Variants in NBN observed in about 807,000 individuals in gnomAD.
NBN encodes the protein Nijmegen breakage syndrome 1 (nibrin).
NBN carries 88 observed loss-of-function variants against 90.8 expected under a neutral mutation model. The observed-to-expected ratio is 0.97, with a 90% CI of 0.82 to 1.16. NBN has a LOEUF of 1.16. NBN is among the 50% of genes most tolerant of loss of function. NBN has a pLI of 0.00. For missense variants in NBN, 894 were observed against 869.6 expected (o/e 1.03, Z -0.35); for synonymous variants, 328 against 295.1 (o/e 1.11, Z -1.14).
intron 1 of NBN, 113 bp from the exon 2 acceptor site, chr8:89,982,968 A>G (rs1812149390): frequency 6.2e-6 from 7 of 1,129,524 alleles, no homozygotes; most frequent in Non-Finnish European, 7.7e-6. Flanking sequence ...TATTAAATAA[A>G]ACACCTTTGT....
At chr8:89,944,906 A>G (rs1810121278) in intron 13 of NBN, among the ~76,000 whole-genome samples, 1 of 152,182 alleles carries the variant, frequency 6.6e-6, no homozygotes, top group Admixed American at 6.5e-5. Context: ...AAGAACTCAG[A>G]CAAATTCCTG....
rs921235584 is a variant in NBN, at chr8:89,946,288, T to C, written c.1922A>G (p.Asp641Gly). ...CATCTCACTATCATCCTGAAGTTTGTCATTGTTCTTAAATGGGGTTAAGAT... is the reference window on the plus strand; with the variant it reads ...CATCTCACTATCATCCTGAAGTTTGCCATTGTTCTTAAATGGGGTTAAGAT... ...LWSAKEISNN[D>G]KLQDDSEMLP... Residue 641 changes from aspartate to glycine, a missense_variant, in exon 13 of 16, where the codon GAC becomes GGC. Transcript: ENST00000265433. The C allele has an allele frequency of 6.3e-7, 1 of 1,581,462 alleles. No individual in the cohort carries two copies. The highest frequency in any genetic ancestry group is 8.7e-7 in the Non-Finnish European group (1 of 1,150,828).
At chr8:89,981,801 T>G in intron 2 of NBN, 1 of 501,324 alleles carries the variant, frequency 2.0e-6, no homozygotes, top group Non-Finnish European at 3.4e-6. Flanking sequence ...CACACACATT[T>G]GAGAATTTTT....
In NBN at chr8:89,935,048, A is replaced by T. The variant is rs567490517; in HGVS notation, c.*534T>A. ...ACCAGAGTTTAGGTAAGACTACAGC[A>T]TAATGGAAAAGAAAAAATATTAAAA... On this transcript the variant is annotated 3_prime_UTR_variant, in exon 16 of 16. Coordinates refer to ENST00000265433, the MANE Select transcript of NBN (RefSeq NM_002485.5). 4.7e-5 allele frequency: 11 copies of T among 234,114 alleles called. No individual in the cohort carries two copies. In the South Asian group the frequency reaches 1.8e-3, roughly 38 times the overall value. The allele number at this position is 234,114 out of a possible 1,614,324, so 14.5% of individuals were successfully genotyped here.
At chr8:89,966,697 T>C (rs972861088) in intron 7 of NBN, among the ~76,000 whole-genome samples, 2 of 151,698 alleles carry the variant, frequency 1.3e-5, no homozygotes, top group African/African-American at 4.8e-5. Context: ...TAAATGTAAA[T>C]GAAAAAATAA....
In NBN at chr8:89,980,905, A is replaced by C; in HGVS notation, c.321-12T>G. The C allele has an allele frequency of 6.2e-7, 1 of 1,609,976 alleles. No homozygotes were observed. Among genetic ancestry groups the C allele is most frequent in the Non-Finnish European group, 8.5e-7 (1 of 1,177,712 alleles). ...GCTCATACTCTATTCTGTAAATGAGAATAAGTTAAATAAAGTCATAGTATC... is the reference window on the plus strand; with the variant it reads ...GCTCATACTCTATTCTGTAAATGAGCATAAGTTAAATAAAGTCATAGTATC... On this transcript the variant is annotated splice_polypyrimidine_tract_variant and intron_variant, in intron 3 of 15. Coordinates refer to ENST00000265433, the MANE Select transcript of NBN (RefSeq NM_002485.5).
chr8:89,966,164 G>T (rs1811244095), intron 7 of NBN, among the ~76,000 whole-genome samples: 1 of 152,108 alleles, frequency 6.6e-6, no homozygotes, highest in African/African-American at 2.4e-5. Flanking sequence ...AGATAAATGT[G>T]GCCATTTTCA....
intron 4 of NBN, among the ~76,000 whole-genome samples, chr8:89,980,189 G>A (rs967432110): frequency 1.3e-5 from 2 of 152,106 alleles, no homozygotes; most frequent in African/African-American, 4.8e-5. Context: ...TAACTCTTTA[G>A]CTATAAAACA....
At chr8:89,958,081 G>C (rs1810811583) in intron 9 of NBN, among the ~76,000 whole-genome samples, 1 of 152,120 alleles carries the variant, frequency 6.6e-6, no homozygotes, top group African/African-American at 2.4e-5. Flanking sequence ...TAAGAACCTA[G>C]ATCCCTCACA....
chr8:89,946,337 T>A (rs1284114151), intron 12 of NBN, 42 bp from the exon 13 acceptor site: 1 of 1,517,976 alleles, frequency 6.6e-7, no homozygotes, highest in African/African-American at 1.4e-5. Flanking sequence ...AGAGAAGAAA[T>A]AACAAAGAAA....
intron 8 of NBN, among the ~76,000 whole-genome samples, chr8:89,959,183 C>T (rs1023988874): frequency 2.6e-5 from 4 of 152,040 alleles, no homozygotes; most frequent in Non-Finnish European, 5.9e-5. Context: ...ACATTTATTC[C>T]CCCACAGAAA....
At chr8:89,942,986 CT>C (rs1810016972) in intron 14 of NBN, among the ~76,000 whole-genome samples, 1 of 149,140 alleles carries the variant, frequency 6.7e-6, no homozygotes, top group Non-Finnish European at 1.5e-5. Context: ...ATTTTTGTGG[CT>C]TTTATCTCCC....
At chr8:89,962,007 AAAGG>A (rs1380108745) in intron 8 of NBN, among the ~76,000 whole-genome samples, 2 of 152,152 alleles carry the variant, frequency 1.3e-5, no homozygotes, top group Non-Finnish European at 2.9e-5. Flanking sequence ...ATAAAATGGA[AAAGG>A]AAGAATAAAA....
At chr8:89,956,698 T>C (rs562746594) in intron 9 of NBN, among the ~76,000 whole-genome samples, 1 of 152,176 alleles carries the variant, frequency 6.6e-6, no homozygotes, top group Non-Finnish European at 1.5e-5. Context: ...AAAAAAACTA[T>C]CCTAAGACAG....
At chr8:89,958,632 A>C in intron 9 of NBN, 93 bp downstream of exon 9, 1 of 1,425,718 alleles carries the variant, frequency 7.0e-7, no homozygotes, top group Non-Finnish European at 9.8e-7. Context: ...TTTCTCTCTC[A>C]AGAGACAACC....
At chr8:89,944,947 T>C (rs1234997349) in intron 13 of NBN, among the ~76,000 whole-genome samples, 1 of 152,196 alleles carries the variant, frequency 6.6e-6, no homozygotes, top group African/African-American at 2.4e-5. Context: ...AACATCTTCC[T>C]ATAGAAATTT....
At chr8:89,981,623 C>T in intron 2 of NBN, 100 bp from the exon 3 acceptor site, 1 of 1,219,890 alleles carries the variant, frequency 8.2e-7, no homozygotes, top group Non-Finnish European at 1.2e-6. Flanking sequence ...AGGTGGCTAA[C>T]CTCCCAACAC....
intron 1 of NBN, 130 bp from the exon 2 acceptor site, chr8:89,982,985 A>C (rs1812150186): frequency 3.0e-6 from 3 of 991,724 alleles, no homozygotes; most frequent in Non-Finnish European, 3.0e-6. Context: ...TTGTTATTCA[A>C]ATGTTAGTCA....
At position 89,953,659 on chromosome 8, in the gene NBN, G is replaced by A. The variant is rs767123014; in HGVS notation, c.1430C>T (p.Ser477Leu). 4.3e-6 allele frequency: 7 copies of A among 1,611,888 alleles called. No individual in the cohort carries two copies. The African/African-American group carries it at 8.0e-5, about 18-fold the overall frequency. Reference protein sequence around the residue: ...ERDEENQEMSSCKSARIETSC... With the variant: ...ERDEENQEMSLCKSARIETSC... ...CGTTTCTATTCTTGCTGATTTGCAT[G>A]AAGACATTTCTTGATTTTCTTCATC... Residue 477 changes from serine (S) to leucine (L), a missense_variant, in exon 11 of 16, where the codon TCA becomes TTA. Physicochemically the swap from Ser to Leu is moderately radical, Grantham distance 145 (BLOSUM62 -2). Transcript: ENST00000265433.
Sources: gnomAD v4.1 joint callset for allele counts (sites outside exome capture counted in the v4.1 genomes callset) on GRCh38, gnomAD v4.1.1 for gene constraint, MANE v1.5 for transcripts, NCBI Gene and HGNC (gene_info 2026-07-23, HGNC 2026-07-21) for gene names.